Variants in GALNT13 observed in about 807,000 individuals in gnomAD.
The protein encoded by GALNT13 is polypeptide N-acetylgalactosaminyltransferase 13.
A neutral mutation model predicts 64.2 loss-of-function variants in GALNT13; 28 were observed. The ratio of observed to expected loss-of-function variants is 0.44; its 90% CI spans 0.32 to 0.60. GALNT13 has a LOEUF of 0.60. Ranked by LOEUF, GALNT13 falls within the 20% of genes least tolerant of loss-of-function variation. The pLI is 0.05. For synonymous variants in GALNT13, 214 were observed against 224.6 expected (o/e 0.95, Z 0.42); for missense variants, 577 against 669.8 (o/e 0.86, Z 1.53).
At chr2:154,193,384 G>C (rs1686702615) in intron 4 of GALNT13, among the ~76,000 whole-genome samples, 1 of 152,152 alleles carries the variant, frequency 6.6e-6, no homozygotes, top group South Asian at 2.1e-4. Flanking sequence ...TTGTTCAGTT[G>C]CATCTCCAGA....
At chr2:153,679,667 AAATCTTCCACC>A in the GALNT13 span, among the ~76,000 whole-genome samples, 1 of 152,050 alleles carries the variant, frequency 6.6e-6, no homozygotes, top group African/African-American at 2.4e-5. Context: ...TTTCTCCCAC[AAATCTTCCACC>A]AATCTTCCAC....
intron 12 of GALNT13, among the ~76,000 whole-genome samples, chr2:154,439,135 G>A (rs1341215054): frequency 6.6e-6 from 1 of 152,120 alleles, no homozygotes; most frequent in Non-Finnish European, 1.5e-5. Context: ...TCAACTGGAA[G>A]GAACAATATC....
chr2:153,081,441 A>G, the GALNT13 span, among the ~76,000 whole-genome samples: 1 of 152,132 alleles, frequency 6.6e-6, no homozygotes, highest in Middle Eastern at 3.2e-3. Context: ...TTATTGTGCT[A>G]TCGAATTTTA....
chr2:154,426,171 G>T (rs924819568), intron 11 of GALNT13, among the ~76,000 whole-genome samples: 1 of 152,170 alleles, frequency 6.6e-6, no homozygotes, highest in Non-Finnish European at 1.5e-5. Flanking sequence ...GCAAAGTTCA[G>T]TTCCTTGCAG....
the GALNT13 span, among the ~76,000 whole-genome samples, chr2:153,103,759 T>A: frequency 4.2e-3 from 640 of 152,338 alleles, 7 homozygotes; most frequent in African/African-American, 0.015. Context: ...GGCTCTCCTG[T>A]GCCTTATTCA....
intron 3 of GALNT13, among the ~76,000 whole-genome samples, chr2:153,948,524 T>C (rs1691936710): frequency 6.6e-6 from 1 of 152,084 alleles, no homozygotes; most frequent in Admixed American, 6.6e-5. Flanking sequence ...CTAAGGAACA[T>C]AAATTGTTCT....
intron 2 of GALNT13, among the ~76,000 whole-genome samples, chr2:153,937,300 A>G (rs1691007090): frequency 6.6e-6 from 1 of 152,240 alleles, no homozygotes. Flanking sequence ...TTATTTGGCA[A>G]TAAAAAGAAA....
chr2:153,345,635 T>TTTCTTTC, the GALNT13 span, among the ~76,000 whole-genome samples: 66 of 68,808 alleles, frequency 9.6e-4, no homozygotes, highest in Non-Finnish European at 1.5e-3. Flanking sequence ...TTTCCTTTCT[T>TTTCTTTC]TTTCTTTCTT....
the GALNT13 span, among the ~76,000 whole-genome samples, chr2:153,145,516 C>T: frequency 5.3e-5 from 8 of 151,656 alleles, no homozygotes; most frequent in South Asian, 6.2e-4. Flanking sequence ...AAAATTAAGC[C>T]AAATTCTAAA....
chr2:153,817,802 A>C, the GALNT13 span, among the ~76,000 whole-genome samples: 2 of 152,234 alleles, frequency 1.3e-5, no homozygotes, highest in Non-Finnish European at 2.9e-5. Flanking sequence ...AATACCCAAA[A>C]AGTATAAACT....
chr2:153,865,001 C>T, the GALNT13 span, among the ~76,000 whole-genome samples: 15 of 149,654 alleles, frequency 1.0e-4, no homozygotes, highest in East Asian at 3.9e-4. Context: ...TCAGAAATAA[C>T]GCCGCCTACC....
chr2:153,272,390 C>G, the GALNT13 span, among the ~76,000 whole-genome samples: 2 of 142,210 alleles, frequency 1.4e-5, no homozygotes, highest in African/African-American at 5.3e-5. Flanking sequence ...ATCCAGAAGA[C>G]AAAGAACTTA....
chr2:153,484,493 T>C, the GALNT13 span, among the ~76,000 whole-genome samples: 1 of 152,232 alleles, frequency 6.6e-6, no homozygotes, highest in Non-Finnish European at 1.5e-5. Flanking sequence ...TTGAAATTTT[T>C]AGTAAAAACT....
intron 1 of GALNT13, among the ~76,000 whole-genome samples, chr2:153,895,452 T>C (rs1687825341): frequency 6.6e-6 from 1 of 152,132 alleles, no homozygotes; most frequent in African/African-American, 2.4e-5. Flanking sequence ...ATAAACAATT[T>C]TTCATTTCAG....
chr2:154,330,535 C>A (rs1039590110), intron 9 of GALNT13, among the ~76,000 whole-genome samples: 1 of 152,054 alleles, frequency 6.6e-6, no homozygotes, highest in East Asian at 1.9e-4. Flanking sequence ...TCTTAACTGA[C>A]GAGGCTGTGT....
intron 10 of GALNT13, among the ~76,000 whole-genome samples, chr2:154,398,872 G>C (rs143881400): frequency 0.01 from 1,588 of 152,222 alleles, 19 homozygotes; most frequent in Non-Finnish European, 0.018. Flanking sequence ...AGTTATTCTA[G>C]GTGCTTTAGA....
the GALNT13 span, among the ~76,000 whole-genome samples, chr2:153,607,777 G>C: frequency 6.6e-6 from 1 of 151,986 alleles, no homozygotes; most frequent in African/African-American, 2.4e-5. Flanking sequence ...AGGTGATAGT[G>C]TTTGTCCCAC....
chr2:153,857,502 G>A, the GALNT13 span, among the ~76,000 whole-genome samples: 1 of 152,164 alleles, frequency 6.6e-6, no homozygotes, highest in Non-Finnish European at 1.5e-5. Context: ...AGCTGTGAGA[G>A]AAGCAACAGG....
At chr2:153,540,451 G>C in the GALNT13 span, among the ~76,000 whole-genome samples, 1 of 152,216 alleles carries the variant, frequency 6.6e-6, no homozygotes, top group Non-Finnish European at 1.5e-5. Context: ...GAAATGTGGG[G>C]TTGGAGCTCC....
Sources: allele counts gnomAD v4.1 joint callset (sites outside exome capture counted in the v4.1 genomes callset), GRCh38; gene constraint gnomAD v4.1.1; transcripts MANE v1.5; gene names NCBI Gene and HGNC (gene_info 2026-07-23, HGNC 2026-07-21).